The following ABRAXAS2 variants were observed in gnomAD, a reference collection of about 807,000 sequenced individuals.
The protein encoded by ABRAXAS2 is BRISC complex subunit Abraxas 2.
A neutral mutation model predicts 49.0 loss-of-function variants in ABRAXAS2; 23 were observed. That is an observed-to-expected ratio of 0.47 (90% CI 0.34 to 0.66). The LOEUF is 0.66. ABRAXAS2 is among the 30% of genes least tolerant of loss of function. The probability of loss-of-function intolerance (pLI) is 0.01; values close to 1 mark genes in which losing one functional copy is unlikely to be tolerated. For synonymous variants in ABRAXAS2, 168 were observed against 180.2 expected (o/e 0.93, Z 0.54); for missense variants, 443 against 511.9 (o/e 0.87, Z 1.30).
intron 4 of ABRAXAS2, among the ~76,000 whole-genome samples, chr10:124,822,579 G>C (rs1211722368): frequency 6.6e-6 from 1 of 152,080 alleles, no homozygotes; most frequent in Non-Finnish European, 1.5e-5. Flanking sequence ...GATCACCTGA[G>C]GTCAGGAGTT....
chr10:124,810,545 A>G (rs1950780138), intron 2 of ABRAXAS2, among the ~76,000 whole-genome samples: 1 of 151,794 alleles, frequency 6.6e-6, no homozygotes. Context: ...AAGACTTGCG[A>G]TGTGTAAGAC....
chr10:124,803,290 G>T (rs1950718360), intron 1 of ABRAXAS2, among the ~76,000 whole-genome samples: 1 of 152,160 alleles, frequency 6.6e-6, no homozygotes, highest in African/African-American at 2.4e-5. Context: ...TTTCACCAAT[G>T]CCAATAGTTT....
At chr10:124,819,473 T>C (rs775946339) in intron 4 of ABRAXAS2, 23 bp downstream of exon 4, 1 of 1,606,428 alleles carries the variant, frequency 6.2e-7, no homozygotes, top group Non-Finnish European at 8.5e-7. Flanking sequence ...TGTTGCCCAG[T>C]ATGATTCTGA....
chr10:124,828,345 A>G (rs527749527), intron 5 of ABRAXAS2, among the ~76,000 whole-genome samples: 125 of 152,110 alleles, frequency 8.2e-4, no homozygotes, highest in Middle Eastern at 6.8e-3. Flanking sequence ...GCCACCACGC[A>G]TGCCCTTTTT....
chr10:124,818,588 G>A (rs1400093755), intron 3 of ABRAXAS2, among the ~76,000 whole-genome samples: 4 of 152,066 alleles, frequency 2.6e-5, no homozygotes, highest in Non-Finnish European at 5.9e-5. Flanking sequence ...CCAAGTCAGT[G>A]GCTTTTTTTG....
At chr10:124,824,657 A>G (rs1240385112) in intron 4 of ABRAXAS2, among the ~76,000 whole-genome samples, 1 of 152,282 alleles carries the variant, frequency 6.6e-6, no homozygotes, top group East Asian at 1.9e-4. Flanking sequence ...TCTGCTAGTC[A>G]ATGAGTATTT....
chr10:124,831,505 GTTGTT>G, intron 8 of ABRAXAS2, 42 bp downstream of exon 8: 2 of 1,133,024 alleles, frequency 1.8e-6, no homozygotes, highest in Non-Finnish European at 2.6e-6. Context: ...TCAGGGAAAT[GTTGTT>G]TTAAACATCA....
At chr10:124,829,308 A>G in intron 6 of ABRAXAS2, 85 bp from the exon 7 acceptor site, 1 of 869,486 alleles carries the variant, frequency 1.2e-6, no homozygotes, top group African/African-American at 1.7e-5. Context: ...TTTAAACAAT[A>G]AAGTGGAAGA....
intron 2 of ABRAXAS2, among the ~76,000 whole-genome samples, chr10:124,810,094 AGT>A (rs1179707308): frequency 6.6e-6 from 1 of 152,074 alleles, no homozygotes; most frequent in East Asian, 1.9e-4. Context: ...CTCATCAGCT[AGT>A]GTTAGTATAT....
In ABRAXAS2 at chr10:124,831,360, A is replaced by T. The variant is rs1185110420; in HGVS notation, c.675A>T (p.Ala225=). The part of the protein sequence containing the change: ...ALQEKVQAVC[A]DVEKSERVVE... Reference sequence around the variant, plus strand: ...ATTTTTTTCCTCAGGCAGTGTGTGCAGATGTTGAAAAGAGTGAGCGAGTTG... The same window carrying T: ...ATTTTTTTCCTCAGGCAGTGTGTGCTGATGTTGAAAAGAGTGAGCGAGTTG... Residue 225 remains alanine (A), a synonymous_variant, in exon 8 of 9, where the codon GCA becomes GCT. Transcript: ENST00000298492. 1 of 1,608,804 alleles carries T rather than the reference A, an allele frequency of 6.2e-7. No homozygotes were observed. The highest frequency in any genetic ancestry group is 2.2e-5 in the East Asian group (1 of 44,856).
intron 3 of ABRAXAS2, among the ~76,000 whole-genome samples, chr10:124,817,924 G>T (rs766162087): frequency 6.6e-5 from 10 of 152,170 alleles, no homozygotes; most frequent in Admixed American, 1.3e-4. Flanking sequence ...GGGAATCTCA[G>T]AGCAAGTGAA....
intron 1 of ABRAXAS2, among the ~76,000 whole-genome samples, chr10:124,803,753 T>C (rs1950722275): frequency 6.6e-6 from 1 of 151,992 alleles, no homozygotes; most frequent in Non-Finnish European, 1.5e-5. Flanking sequence ...AATATAAAAT[T>C]AGCCAGGCGT....
intron 2 of ABRAXAS2, among the ~76,000 whole-genome samples, chr10:124,812,019 C>A (rs61872096): frequency 3.9e-5 from 6 of 151,998 alleles, no homozygotes; most frequent in Non-Finnish European, 7.4e-5. Flanking sequence ...TTGGGTGATC[C>A]GCCCACCTTG....
rs187168246 is a variant in ABRAXAS2 at position 124,833,039 on chromosome 10, G to A, written c.779-1463G>A. Among the ~76,000 whole-genome samples, 144 of 150,868 alleles carry A rather than the reference G, an allele frequency of 9.5e-4. 2 individuals carry two copies. The highest frequency in any genetic ancestry group is 1.5e-3 in the Non-Finnish European group (99 of 67,756). On this transcript the variant is annotated intron_variant, in intron 8 of 8. Coordinates refer to ENST00000298492, the MANE Select transcript of ABRAXAS2 (RefSeq NM_032182.4). ...CAGGCACCTGTAATCCCAGCTACTC[G>A]GGAGGCTGAGGCGGGAGAATCGTTT...
Position 124,835,236 on chromosome 10 carries a change from A to AGTATTCACTGAT in ABRAXAS2, c.*265_*266insGTATTCACTGAT, listed in dbSNP as rs1950962456. Reference sequence around the variant, plus strand: ...CATGGATATACTGGTAAATTTAGGCAAAGTGAAACTTATCAGCGTAGTTTC... The same window carrying AGTATTCACTGAT: ...CATGGATATACTGGTAAATTTAGGCAGTATTCACTGATAAGTGAAACTTATCAGCGTAGTTTC... On this transcript the variant is annotated 3_prime_UTR_variant, in exon 9 of 9. Coordinates refer to ENST00000298492, the MANE Select transcript of ABRAXAS2 (RefSeq NM_032182.4). 6.4e-6 allele frequency: 2 copies of AGTATTCACTGAT among 314,512 alleles called. No individual in the cohort carries two copies. The highest frequency in any genetic ancestry group is 9.0e-5 in the Admixed American group (2 of 22,298). 19.5% of individuals were successfully genotyped at this position (314,512 alleles called of 1,614,324 possible). A position where few individuals can be genotyped will look rare whatever the true frequency, so the allele number is the denominator to read the frequency against.
At position 124,836,065 on chromosome 10, in the gene ABRAXAS2, C is replaced by T. The variant is rs1301341707; in HGVS notation, c.*1094C>T. The T allele has an allele frequency of 8.5e-5, 13 of 152,554 alleles. No individual in the cohort carries two copies. Among genetic ancestry groups the T allele is most frequent in the African/African-American group, 3.1e-4 (13 of 41,414 alleles). The allele number at this position is 152,554 out of a possible 1,614,324, so 9.5% of individuals were successfully genotyped here. ...ACTACTTGTTTTCTAGTTTTGCCCA[C>T]AACGTCTGAAACCACTAAGACATTC... On this transcript the variant is annotated 3_prime_UTR_variant, in exon 9 of 9. Coordinates refer to ENST00000298492, the MANE Select transcript of ABRAXAS2 (RefSeq NM_032182.4).
intron 4 of ABRAXAS2, among the ~76,000 whole-genome samples, chr10:124,822,058 G>A (rs555943225): frequency 1.3e-5 from 2 of 152,330 alleles, no homozygotes; most frequent in South Asian, 2.1e-4. Flanking sequence ...ATGGAGCCAT[G>A]GTTTAAACCA....
intron 4 of ABRAXAS2, among the ~76,000 whole-genome samples, chr10:124,820,056 G>A (rs1163773028): frequency 6.6e-6 from 1 of 152,144 alleles, no homozygotes; most frequent in Non-Finnish European, 1.5e-5. Context: ...CATCTCTTGA[G>A]GAAGAAAGTA....
intron 4 of ABRAXAS2, among the ~76,000 whole-genome samples, chr10:124,820,567 C>T (rs866932357): frequency 1.6e-4 from 25 of 151,962 alleles, no homozygotes; most frequent in Middle Eastern, 3.2e-3. Flanking sequence ...CTACAAACTC[C>T]ACCTCCCAGG....
Sources: allele counts gnomAD v4.1 joint callset (sites outside exome capture counted in the v4.1 genomes callset), GRCh38; gene constraint gnomAD v4.1.1; transcripts MANE v1.5; gene names NCBI Gene and HGNC (gene_info 2026-07-23, HGNC 2026-07-21).